The following RUNX1T1 variants were observed in gnomAD, a reference collection of about 807,000 sequenced individuals.
RUNX1T1 encodes the protein RUNX1 partner transcriptional co-repressor 1.
A neutral mutation model predicts 62.8 loss-of-function variants in RUNX1T1; 4 were observed. The ratio of observed to expected loss-of-function variants is 0.06; its 90% confidence interval spans 0.03 to 0.15. The LOEUF (loss-of-function observed/expected upper bound fraction) is 0.15, where lower values mean the gene tolerates loss of function less well. Among genes scored for constraint, RUNX1T1 ranks in the 10% least tolerant of loss-of-function variants. RUNX1T1 has a pLI of 1.00. For synonymous variants in RUNX1T1, 291 were observed against 286.0 expected (o/e 1.02, Z -0.18); for missense variants, 508 against 754.3 (o/e 0.67, Z 3.82).
intron 1 of RUNX1T1, among the ~76,000 whole-genome samples, chr8:92,025,295 G>A (rs1824928613): frequency 6.6e-6 from 1 of 152,072 alleles, no homozygotes; most frequent in South Asian, 2.1e-4. Context: ...CTTAAAGTCT[G>A]TGCTCCTTAA....
intron 1 of RUNX1T1, among the ~76,000 whole-genome samples, chr8:92,080,598 G>T (rs774973252): frequency 1.1e-4 from 17 of 152,222 alleles, no homozygotes; most frequent in Non-Finnish European, 2.2e-4. Flanking sequence ...TTGTAGAAAT[G>T]AGATCCAATC....
intron 1 of RUNX1T1, chr8:92,094,927 CA>C (rs1401349025): frequency 1.2e-6 from 1 of 836,936 alleles, no homozygotes; most frequent in Non-Finnish European, 1.8e-6. Flanking sequence ...AGCGTCCAGT[CA>C]ATAAATAATC....
chr8:91,997,398 T>C (rs1381091506), intron 5 of RUNX1T1, among the ~76,000 whole-genome samples: 1 of 152,078 alleles, frequency 6.6e-6, no homozygotes, highest in East Asian at 1.9e-4. Context: ...TAAATATTGT[T>C]TTAGGGGAAG....
At chr8:92,040,859 C>A (rs558671624) in intron 1 of RUNX1T1, among the ~76,000 whole-genome samples, 59 of 151,396 alleles carry the variant, frequency 3.9e-4, no homozygotes, top group South Asian at 2.3e-3. Context: ...GAGATATGAT[C>A]AAAAAAAATA....
intron 8 of RUNX1T1, chr8:91,979,764 G>T (rs1011715260): frequency 2.0e-6 from 1 of 507,622 alleles, no homozygotes; most frequent in Non-Finnish European, 3.8e-6. Context: ...GATGGAAGAT[G>T]CACTACACTT....
intron 1 of RUNX1T1, among the ~76,000 whole-genome samples, chr8:92,050,082 T>C (rs1176672885): frequency 6.6e-6 from 1 of 151,876 alleles, no homozygotes; most frequent in Non-Finnish European, 1.5e-5. Context: ...AAACATGTCT[T>C]GAGGAAAAAA....
At chr8:92,060,922 T>TGAGAGAGAGAGA (rs56103756) in intron 1 of RUNX1T1, among the ~76,000 whole-genome samples, 1 of 146,418 alleles carries the variant, frequency 6.8e-6, no homozygotes, top group African/African-American at 2.5e-5. Context: ...ACACAGTTGA[T>TGAGAGAGAGAGA]GAGAGAGAGA....
chr8:91,955,723 T>C (rs1243948280), downstream of RUNX1T1: 3 of 224,582 alleles, frequency 1.3e-5, no homozygotes, highest in African/African-American at 6.7e-5. Context: ...ATTATTTTGG[T>C]CTATAAAGTC....
At chr8:91,957,479 G>C (rs1809556862), downstream of RUNX1T1, 1 of 226,666 alleles carries the variant, frequency 4.4e-6, no homozygotes, top group East Asian at 6.3e-5. Flanking sequence ...AGAGGAATCA[G>C]AGATAGAGCT....
At chr8:92,099,127 A>T (rs530047573) in intron 1 of RUNX1T1, among the ~76,000 whole-genome samples, 13 of 152,326 alleles carry the variant, frequency 8.5e-5, no homozygotes, top group Non-Finnish European at 1.9e-4. Flanking sequence ...ATAGAGTCAA[A>T]TTTGATTTTT....
At chr8:92,074,233 T>C (rs931666359) in intron 2 of RUNX1T1, among the ~76,000 whole-genome samples, 5 of 152,174 alleles carry the variant, frequency 3.3e-5, no homozygotes, top group African/African-American at 1.2e-4. Flanking sequence ...CATTCCAAAT[T>C]ATATTAAGAT....
intron 9 of RUNX1T1, among the ~76,000 whole-genome samples, chr8:91,972,278 G>A (rs191727780): frequency 6.6e-6 from 1 of 152,180 alleles, no homozygotes; most frequent in Admixed American, 6.5e-5. Context: ...CTCTCCACTA[G>A]TAATTAACTG....
intron 1 of RUNX1T1, among the ~76,000 whole-genome samples, chr8:92,093,615 A>G (rs1216944164): frequency 6.6e-6 from 1 of 152,224 alleles, no homozygotes; most frequent in Non-Finnish European, 1.5e-5. Context: ...AACTGGAAAC[A>G]AAAAGTCAGA....
intron 1 of RUNX1T1, among the ~76,000 whole-genome samples, chr8:92,018,396 G>A (rs914868493): frequency 6.6e-6 from 1 of 152,204 alleles, no homozygotes; most frequent in Non-Finnish European, 1.5e-5. Context: ...TGCACGATGA[G>A]CTAGTCAACA....
intron 10 of RUNX1T1, among the ~76,000 whole-genome samples, chr8:91,963,391 A>T (rs950789202): frequency 6.6e-6 from 1 of 152,262 alleles, no homozygotes; most frequent in Admixed American, 6.5e-5. Flanking sequence ...ATTGCATTGC[A>T]GTGAATGTGT....
intron 2 of RUNX1T1, among the ~76,000 whole-genome samples, chr8:92,071,579 A>C (rs998816299): frequency 3.3e-5 from 5 of 152,030 alleles, no homozygotes; most frequent in African/African-American, 9.7e-5. Flanking sequence ...AGGAACCTCA[A>C]ATTCCTGACC....
intron 10 of RUNX1T1, among the ~76,000 whole-genome samples, chr8:91,968,195 G>A (rs190915574): frequency 1.9e-4 from 29 of 152,194 alleles, no homozygotes; most frequent in Admixed American, 1.2e-3. Flanking sequence ...TGTGCTAGCA[G>A]AAGACGATCA....
intron 5 of RUNX1T1, among the ~76,000 whole-genome samples, chr8:91,997,037 A>G (rs7001059): frequency 1 from 152,146 of 152,146 alleles, 76,073 homozygotes; most frequent in Non-Finnish European, 1. Flanking sequence ...TGAAGCAAAA[A>G]AATCACTTGA....
chr8:91,989,518 T>G (rs1817229252), intron 6 of RUNX1T1, among the ~76,000 whole-genome samples: 1 of 152,220 alleles, frequency 6.6e-6, no homozygotes. Context: ...GGATATTTTA[T>G]ATTACTTGAT....
Sources: gnomAD v4.1 joint callset for allele counts (sites outside exome capture counted in the v4.1 genomes callset) on GRCh38, gnomAD v4.1.1 for gene constraint, MANE v1.5 for transcripts, NCBI Gene and HGNC (gene_info 2026-07-23, HGNC 2026-07-21) for gene names.